The following PRKCE variants were observed in gnomAD, a reference collection of about 807,000 sequenced individuals.
PRKCE encodes the protein protein kinase C epsilon.
Under a neutral mutation model 85.4 loss-of-function variants are expected in PRKCE, and 16 were observed. The ratio of observed to expected loss-of-function variants is 0.19; its 90% CI spans 0.13 to 0.28. The LOEUF is 0.28. PRKCE is among the 10% of genes least tolerant of loss of function. The pLI is 1.00. For synonymous variants in PRKCE, 388 were observed against 371.5 expected (o/e 1.04, Z -0.51); for missense variants, 573 against 975.2 (o/e 0.59, Z 5.49).
At chr2:45,721,878 TAA>T (rs747265509) in intron 1 of PRKCE, among the ~76,000 whole-genome samples, 42 of 136,146 alleles carry the variant, frequency 3.1e-4, no homozygotes, top group Admixed American at 3.7e-4. Context: ...CCCTGACTCT[TAA>T]AAAAAAAAAA....
intron 2 of PRKCE, among the ~76,000 whole-genome samples, chr2:45,890,487 C>G (rs1695642316): frequency 6.6e-6 from 1 of 152,094 alleles, no homozygotes; most frequent in Non-Finnish European, 1.5e-5. Flanking sequence ...TCAAGCAATT[C>G]TCGTGCCTCA....
At chr2:46,032,922 T>C (rs565576334) in intron 10 of PRKCE, among the ~76,000 whole-genome samples, 113 of 152,274 alleles carry the variant, frequency 7.4e-4, no homozygotes, top group African/African-American at 2.7e-3. Context: ...TTCCCAAAAA[T>C]TCATCATGGA....
At chr2:45,925,698 T>A (rs1698565428) in intron 2 of PRKCE, among the ~76,000 whole-genome samples, 1 of 152,370 alleles carries the variant, frequency 6.6e-6, no homozygotes, top group South Asian at 2.1e-4. Flanking sequence ...TTCTAGAGCA[T>A]AAGCTCGGGG....
At position 45,762,117 on chromosome 2, in the gene PRKCE, A is replaced by G. The variant is rs776325379; in HGVS notation, c.349-80883A>G. On this transcript the variant is annotated intron_variant, in intron 1 of 14. Transcript: ENST00000306156. Reference sequence around the variant, plus strand: ...ACACCACCACCATTTTATCGTATCAAAAATATGTTTCAAATACATTGAGAC... The same window carrying G: ...ACACCACCACCATTTTATCGTATCAGAAATATGTTTCAAATACATTGAGAC... 6.2e-4 allele frequency among the ~76,000 whole-genome samples: 94 copies of G among 152,212 alleles called. 1 individual carries two copies. Among genetic ancestry groups the G allele is most frequent in the Non-Finnish European group, 1.8e-4 (12 of 68,036 alleles).
At chr2:45,712,801 T>C (rs1679776110) in intron 1 of PRKCE, among the ~76,000 whole-genome samples, 2 of 152,154 alleles carry the variant, frequency 1.3e-5, no homozygotes, top group African/African-American at 2.4e-5. Flanking sequence ...TGCATGGTTC[T>C]CATTTGTTTA....
At chr2:45,725,301 C>T (rs948706424) in intron 1 of PRKCE, among the ~76,000 whole-genome samples, 1 of 152,200 alleles carries the variant, frequency 6.6e-6, no homozygotes, top group African/African-American at 2.4e-5. Flanking sequence ...CAAAATGTTA[C>T]TGTTCATTGA....
intron 1 of PRKCE, among the ~76,000 whole-genome samples, chr2:45,794,629 C>G (rs6715820): frequency 0.21 from 32,652 of 152,054 alleles, 3,960 homozygotes; most frequent in Middle Eastern, 0.3. Context: ...AGCCCCGTCT[C>G]TGGAGGGAGA....
intron 1 of PRKCE, among the ~76,000 whole-genome samples, chr2:45,807,362 G>A (rs759124407): frequency 1.3e-4 from 20 of 152,208 alleles, no homozygotes; most frequent in Non-Finnish European, 2.2e-4. Context: ...GTGTCTTCTG[G>A]TCTTTGCTGA....
chr2:45,662,446 C>G (rs1334534865), intron 1 of PRKCE, among the ~76,000 whole-genome samples: 1 of 151,922 alleles, frequency 6.6e-6, no homozygotes, highest in Non-Finnish European at 1.5e-5. Context: ...AATTTTTTTT[C>G]TCTCTCTATG....
chr2:45,772,527 A>G (rs1404748002), intron 1 of PRKCE, among the ~76,000 whole-genome samples: 1 of 152,154 alleles, frequency 6.6e-6, no homozygotes, highest in Non-Finnish European at 1.5e-5. Context: ...CACTTTCACT[A>G]TTCAATTGAC....
chr2:45,962,312 G>A (rs1701437502), intron 2 of PRKCE, among the ~76,000 whole-genome samples: 1 of 152,154 alleles, frequency 6.6e-6, no homozygotes, highest in African/African-American at 2.4e-5. Context: ...TTTAAGGCAG[G>A]GCCTGTGGCC....
intron 1 of PRKCE, among the ~76,000 whole-genome samples, chr2:45,709,700 CTT>C (rs1218030309): frequency 6.6e-6 from 1 of 152,190 alleles, no homozygotes; most frequent in Non-Finnish European, 1.5e-5. Context: ...CTTTCAAACT[CTT>C]TTGAATAAAA....
At chr2:46,175,977 T>G (rs1679381124) in intron 14 of PRKCE, among the ~76,000 whole-genome samples, 2 of 152,136 alleles carry the variant, frequency 1.3e-5, no homozygotes, top group South Asian at 2.1e-4. Flanking sequence ...TATGGAGCTT[T>G]AAAAACTCAC....
At chr2:45,797,546 G>T (rs895552897) in intron 1 of PRKCE, among the ~76,000 whole-genome samples, 4 of 152,322 alleles carry the variant, frequency 2.6e-5, no homozygotes, top group Non-Finnish European at 2.9e-5. Context: ...CCAGGCTGAG[G>T]CCGTTGTTCT....
At chr2:45,873,830 G>T (rs930435413) in intron 2 of PRKCE, among the ~76,000 whole-genome samples, 9 of 152,200 alleles carry the variant, frequency 5.9e-5, no homozygotes, top group African/African-American at 2.2e-4. Flanking sequence ...TTTACCAGAG[G>T]ATGCCTATAA....
chr2:45,696,816 CT>C (rs34875881), intron 1 of PRKCE, among the ~76,000 whole-genome samples: 2 of 152,204 alleles, frequency 1.3e-5, no homozygotes, highest in Non-Finnish European at 2.9e-5. Context: ...TTTCATTAGA[CT>C]TTTAGACTCA....
intron 2 of PRKCE, among the ~76,000 whole-genome samples, chr2:45,937,129 C>G (rs904134464): frequency 6.6e-6 from 1 of 152,180 alleles, no homozygotes; most frequent in Non-Finnish European, 1.5e-5. Flanking sequence ...AGAAAAGATT[C>G]CATGTCCATC....
chr2:46,099,552 C>A (rs956612574), intron 11 of PRKCE, among the ~76,000 whole-genome samples: 27 of 151,116 alleles, frequency 1.8e-4, no homozygotes. Context: ...AGCTTCAGAT[C>A]ATTTTTCCTG....
At chr2:45,992,434 C>T in intron 6 of PRKCE, among the ~76,000 whole-genome samples, 1 of 152,168 alleles carries the variant, frequency 6.6e-6, no homozygotes, top group East Asian at 1.9e-4. Context: ...AGGGGGGCAT[C>T]CCTCTTACCT....
Sources: allele counts gnomAD v4.1 joint callset (sites outside exome capture counted in the v4.1 genomes callset), GRCh38; gene constraint gnomAD v4.1.1; transcripts MANE v1.5; gene names NCBI Gene and HGNC (gene_info 2026-07-23, HGNC 2026-07-21).